The following RALYL variants were observed in gnomAD, a reference collection of about 807,000 sequenced individuals.
The protein encoded by RALYL is RALY RNA binding protein like.
In RALYL, 29 loss-of-function variants were observed where a neutral mutation model predicts 35.1. The ratio of observed to expected loss-of-function variants is 0.83; its 90% confidence interval spans 0.61 to 1.13. The LOEUF (loss-of-function observed/expected upper bound fraction) is 1.13, where lower values mean the gene tolerates loss of function less well. Among genes scored for constraint, RALYL ranks in the 50% most tolerant of loss-of-function variants. The pLI, the probability that RALYL is intolerant of heterozygous loss-of-function variation, is 0.00. For missense variants in RALYL, 359 were observed against 360.4 expected, an observed-to-expected ratio of 1.00 and a Z score of 0.03; for synonymous variants, 120 against 127.6, an observed-to-expected ratio of 0.94 and a Z score of 0.40.
At chr8:84,505,596 C>G (rs2057099177) in intron 1 of RALYL, among the ~76,000 whole-genome samples, 1 of 151,876 alleles carries the variant, frequency 6.6e-6, no homozygotes, top group African/African-American at 2.4e-5. Flanking sequence ...GATACATGTG[C>G]AAGTTTGTCA....
intron 2 of RALYL, among the ~76,000 whole-genome samples, chr8:84,751,741 C>G (rs184873937): frequency 6.6e-6 from 1 of 152,168 alleles, no homozygotes; most frequent in African/African-American, 2.4e-5. Flanking sequence ...ATATGAAATC[C>G]TGACTGCCCC....
intron 1 of RALYL, among the ~76,000 whole-genome samples, chr8:84,321,327 G>A (rs570826884): frequency 2.0e-5 from 3 of 152,178 alleles, no homozygotes; most frequent in South Asian, 2.1e-4. Context: ...TAAGAGAAAT[G>A]ATATCTTGGG....
At chr8:84,844,333 G>C (rs1207665362) in intron 4 of RALYL, among the ~76,000 whole-genome samples, 1 of 152,154 alleles carries the variant, frequency 6.6e-6, no homozygotes, top group Non-Finnish European at 1.5e-5. Flanking sequence ...CTTCTCAAAA[G>C]AAGACATTTA....
At chr8:84,725,810 T>C (rs115387581) in intron 2 of RALYL, among the ~76,000 whole-genome samples, 1,894 of 151,842 alleles carry the variant, frequency 0.012, 44 homozygotes, top group African/African-American at 0.043. Context: ...AAAAGCTTAA[T>C]TTAGTTGACC....
chr8:84,616,621 C>G (rs1819745017), intron 2 of RALYL, among the ~76,000 whole-genome samples: 1 of 151,050 alleles, frequency 6.6e-6, no homozygotes, highest in African/African-American at 2.5e-5. Flanking sequence ...TCAATTTTGG[C>G]TTTTGTTGCC....
intron 1 of RALYL, among the ~76,000 whole-genome samples, chr8:84,391,404 A>G (rs1860670328): frequency 6.6e-6 from 1 of 152,054 alleles, no homozygotes; most frequent in South Asian, 2.1e-4. Flanking sequence ...ATTTACATCT[A>G]AAGAAATGTG....
chr8:84,192,939 A>G (rs1256150240), intron 1 of RALYL, among the ~76,000 whole-genome samples: 1 of 151,368 alleles, frequency 6.6e-6, no homozygotes, highest in African/African-American at 2.4e-5. Flanking sequence ...TATATGTAAA[A>G]TAATCATTTG....
chr8:84,770,244 G>C (rs1055874335), intron 2 of RALYL, among the ~76,000 whole-genome samples: 2 of 151,532 alleles, frequency 1.3e-5, no homozygotes, highest in Admixed American at 1.3e-4. Context: ...TCATTCTTAT[G>C]CCTTCATATC....
chr8:84,328,603 A>T (rs1429404968), intron 1 of RALYL, among the ~76,000 whole-genome samples: 2 of 152,246 alleles, frequency 1.3e-5, no homozygotes, highest in East Asian at 1.9e-4. Context: ...GTTTTAATTT[A>T]ATTTTATTTT....
chr8:84,219,629 G>A (rs1382747664), intron 1 of RALYL, among the ~76,000 whole-genome samples: 1 of 151,894 alleles, frequency 6.6e-6, no homozygotes, highest in Non-Finnish European at 1.5e-5. Flanking sequence ...TTAACAAAAT[G>A]AAAAGGAAAT....
chr8:84,522,439 C>T (rs974842392), intron 1 of RALYL, among the ~76,000 whole-genome samples: 46 of 151,694 alleles, frequency 3.0e-4, no homozygotes, highest in Admixed American at 2.6e-4. Context: ...TTAGTAGAGA[C>T]GGGGTTTCAC....
chr8:84,426,438 C>CTCTGTGTG (rs1425109163), intron 1 of RALYL, among the ~76,000 whole-genome samples: 74 of 135,990 alleles, frequency 5.4e-4, no homozygotes, highest in Non-Finnish European at 8.3e-4. Context: ...CTCTCTCTCT[C>CTCTGTGTG]TGTGTGTGTG....
chr8:84,571,701 T>TA (rs1208756883), intron 2 of RALYL, among the ~76,000 whole-genome samples: 1 of 151,868 alleles, frequency 6.6e-6, no homozygotes, highest in African/African-American at 2.4e-5. Context: ...AGGTGTGATA[T>TA]TAGGTTGTTA....
chr8:84,765,597 A>G (rs1242180094), intron 2 of RALYL, among the ~76,000 whole-genome samples: 1 of 152,196 alleles, frequency 6.6e-6, no homozygotes, highest in African/African-American at 2.4e-5. Context: ...ATCTCAACTA[A>G]TAATAACTAC....
intron 1 of RALYL, among the ~76,000 whole-genome samples, chr8:84,471,973 T>A (rs997003493): frequency 3.3e-5 from 5 of 152,220 alleles, no homozygotes; most frequent in African/African-American, 1.2e-4. Flanking sequence ...AATTAGAGGC[T>A]CAGTGTTTGT....
rs769713977 is a variant in RALYL at position 84,887,818 on chromosome 8, A to G, written c.858+42A>G. 3.3e-6 allele frequency: 5 copies of G among 1,527,486 alleles called. No homozygotes were observed. In the Admixed American group the frequency reaches 7.7e-5, roughly 24 times the overall value. The allele number at this position is 1,527,486 out of a possible 1,614,324, so 94.6% of individuals were successfully genotyped here. On this transcript the variant is annotated intron_variant, in intron 8 of 8. Coordinates refer to ENST00000521268, the MANE Select transcript of RALYL (RefSeq NM_173848.7). ...TGGTATTCACACCCTTTGGGTAACA[A>G]CACTAGCATGTTAGCAACTCATTCA...
chr8:84,873,229 T>G lies in RALYL; in HGVS notation c.572-55T>G, dbSNP rs1251717981. 4 of 944,658 alleles carry G rather than the reference T, an allele frequency of 4.2e-6. No individual in the cohort carries two copies. In the East Asian group the frequency reaches 1.1e-4, roughly 25 times the overall value. The allele number at this position is 944,658 out of a possible 1,614,324, so 58.5% of individuals were successfully genotyped here. On this transcript the variant is annotated intron_variant, in intron 6 of 8. Transcript: ENST00000521268. The stretch of plus-strand genomic sequence containing the variant: ...GGGTCCCTGTGAGTTCGGTCCTAGG[T>G]GAGTTATGGTGCATTTGATGCTCTG...
chr8:84,764,306 C>G (rs572725806), intron 2 of RALYL, among the ~76,000 whole-genome samples: 1 of 151,950 alleles, frequency 6.6e-6, no homozygotes, highest in African/African-American at 2.4e-5. Context: ...GTTTGTTTAC[C>G]CAAACTTTAG....
chr8:84,504,411 A>G (rs942645271), intron 1 of RALYL, among the ~76,000 whole-genome samples: 5 of 152,152 alleles, frequency 3.3e-5, no homozygotes, highest in Admixed American at 3.3e-4. Flanking sequence ...TTGGAATTTA[A>G]GAGAGCAGCA....
Sources: allele counts gnomAD v4.1 joint callset (sites outside exome capture counted in the v4.1 genomes callset), GRCh38; gene constraint gnomAD v4.1.1; transcripts MANE v1.5; gene names NCBI Gene and HGNC (gene_info 2026-07-23, HGNC 2026-07-21).